Variants in NAALADL2 observed in about 807,000 individuals in gnomAD.
NAALADL2 encodes inactive N-acetylated-alpha-linked acidic dipeptidase-like protein 2.
In NAALADL2, 76 loss-of-function variants were observed where a neutral mutation model predicts 87.2. The ratio of observed to expected loss-of-function variants is 0.87; its 90% confidence interval spans 0.72 to 1.05. The LOEUF (loss-of-function observed/expected upper bound fraction) is 1.05, where lower values mean the gene tolerates loss of function less well. Among genes scored for constraint, NAALADL2 ranks in the 50% least tolerant of loss-of-function variants. The pLI, the probability that NAALADL2 is intolerant of heterozygous loss-of-function variation, is 0.00. For missense variants in NAALADL2, 1,089 were observed against 945.8 expected (o/e 1.15, Z -1.99); for synonymous variants, 354 against 331.0 (o/e 1.07, Z -0.75).
At chr3:175,088,319 A>G (rs1719440768) in intron 1 of NAALADL2, among the ~76,000 whole-genome samples, 1 of 152,226 alleles carries the variant, frequency 6.6e-6, no homozygotes, top group Non-Finnish European at 1.5e-5. Context: ...TTTGTTACTA[A>G]CAGAATTTTA....
At chr3:174,809,954 C>T (rs2140282) in intron 3 of NAALADL2, among the ~76,000 whole-genome samples, 2,010 of 152,106 alleles carry the variant, frequency 0.013, 47 homozygotes, top group African/African-American at 0.047. Context: ...TGTGGCACCT[C>T]CCCCCTCTCT....
chr3:175,066,646 T>C (rs1714591011), intron 1 of NAALADL2, among the ~76,000 whole-genome samples: 1 of 152,182 alleles, frequency 6.6e-6, no homozygotes, highest in African/African-American at 2.4e-5. Context: ...TCCTGGAAGA[T>C]ATTGTTAATA....
At chr3:174,678,930 C>T (rs1727283480) in intron 2 of NAALADL2, among the ~76,000 whole-genome samples, 1 of 152,120 alleles carries the variant, frequency 6.6e-6, no homozygotes, top group Non-Finnish European at 1.5e-5. Flanking sequence ...TAAAGTTTAT[C>T]TACTTTTCTC....
rs114404064 is a variant in NAALADL2 at position 175,518,622 on chromosome 3, G to T, written c.1653+46864G>T. On this transcript the variant is annotated intron_variant, in intron 9 of 13. Transcript: ENST00000454872. ...ATGGGGACTCTCCAAGTCCCGAGGTGGTACAGGGCATCACATGGTGTGGGG... is the reference window on the plus strand; with the variant it reads ...ATGGGGACTCTCCAAGTCCCGAGGTTGTACAGGGCATCACATGGTGTGGGG... Among the ~76,000 whole-genome samples, 769 of 152,302 alleles carry T rather than the reference G, an allele frequency of 5.0e-3. 9 individuals carry two copies. Among genetic ancestry groups the T allele is most frequent in the African/African-American group, 0.018 (735 of 41,562 alleles).
intron 10 of NAALADL2, among the ~76,000 whole-genome samples, chr3:175,583,937 C>T (rs62284489): frequency 0.11 from 17,043 of 152,038 alleles, 1,234 homozygotes; most frequent in Middle Eastern, 0.17. Context: ...ATAATGTTTG[C>T]GTCAGGCATT....
At chr3:174,688,718 T>TA (rs11421317) in intron 2 of NAALADL2, among the ~76,000 whole-genome samples, 114,388 of 151,934 alleles carry the variant, frequency 0.75, 43,243 homozygotes, top group East Asian at 0.89. Context: ...TGGAGTTAAA[T>TA]AAAATAGCAA....
intron 2 of NAALADL2, among the ~76,000 whole-genome samples, chr3:175,228,056 A>G (rs1744412350): frequency 6.6e-6 from 1 of 151,968 alleles, no homozygotes; most frequent in Non-Finnish European, 1.5e-5. Context: ...ATGTGTATCC[A>G]AAAACTTTGT....
At chr3:175,576,247 G>C in intron 10 of NAALADL2, 60 bp downstream of exon 10, 1 of 1,453,800 alleles carries the variant, frequency 6.9e-7, no homozygotes, top group Non-Finnish European at 9.3e-7. Flanking sequence ...TGCAGAATTT[G>C]ATTTTATCCT....
At chr3:175,101,546 TAC>T (rs1322461889) in intron 2 of NAALADL2, among the ~76,000 whole-genome samples, 1 of 152,252 alleles carries the variant, frequency 6.6e-6, no homozygotes, top group Non-Finnish European at 1.5e-5. Context: ...AAATGACATA[TAC>T]ACACACATAT....
chr3:174,774,550 G>A (rs1714974538), intron 3 of NAALADL2, among the ~76,000 whole-genome samples: 1 of 152,178 alleles, frequency 6.6e-6, no homozygotes. Flanking sequence ...TACAGAGGAA[G>A]TGTCACGATA....
chr3:174,837,604 G>A (rs1560274154), intron 3 of NAALADL2, among the ~76,000 whole-genome samples: 1 of 152,082 alleles, frequency 6.6e-6, no homozygotes, highest in Non-Finnish European at 1.5e-5. Context: ...GACCAGCCTG[G>A]CCAACATGGT....
At chr3:174,984,741 A>G (rs1234910181) in intron 1 of NAALADL2, among the ~76,000 whole-genome samples, 1 of 152,230 alleles carries the variant, frequency 6.6e-6, no homozygotes, top group Non-Finnish European at 1.5e-5. Flanking sequence ...AACTTGAAGA[A>G]GGTAAATGAA....
intron 2 of NAALADL2, among the ~76,000 whole-genome samples, chr3:174,597,465 T>A (rs1284861412): frequency 6.6e-6 from 1 of 152,242 alleles, no homozygotes; most frequent in East Asian, 1.9e-4. Context: ...TCTATGTTCC[T>A]AGACGTCAGC....
intron 13 of NAALADL2, among the ~76,000 whole-genome samples, chr3:175,796,373 C>CA: frequency 6.6e-6 from 1 of 152,124 alleles, no homozygotes; most frequent in East Asian, 1.9e-4. Flanking sequence ...CCATTTCCCT[C>CA]AACAATCTAC....
At chr3:175,713,613 A>G (rs1245594058) in intron 11 of NAALADL2, among the ~76,000 whole-genome samples, 2 of 152,184 alleles carry the variant, frequency 1.3e-5, no homozygotes, top group Non-Finnish European at 1.5e-5. Flanking sequence ...TAATTGATAA[A>G]GGCAGTTCCT....
At chr3:175,384,591 C>T (rs1768143467) in intron 5 of NAALADL2, among the ~76,000 whole-genome samples, 1 of 151,836 alleles carries the variant, frequency 6.6e-6, no homozygotes, top group South Asian at 2.1e-4. Flanking sequence ...CTTTTAAATG[C>T]ATGCACCTCC....
chr3:175,236,220 C>G (rs752175077), intron 3 of NAALADL2, among the ~76,000 whole-genome samples: 1 of 151,884 alleles, frequency 6.6e-6, no homozygotes, highest in Non-Finnish European at 1.5e-5. Flanking sequence ...ATTTGTTTGC[C>G]TTGGTTTAAA....
At chr3:175,787,482 C>G (rs373618099) in intron 13 of NAALADL2, among the ~76,000 whole-genome samples, 61 of 152,192 alleles carry the variant, frequency 4.0e-4, no homozygotes, top group Admixed American at 2.3e-3. Context: ...TTTCCAGGTG[C>G]GTCCGTCACC....
intron 2 of NAALADL2, among the ~76,000 whole-genome samples, chr3:175,205,281 GAAACTC>G (rs1188778922): frequency 3.3e-5 from 5 of 151,516 alleles, no homozygotes; most frequent in African/African-American, 1.2e-4. Flanking sequence ...AACAGAATAG[GAAACTC>G]AAACTCAAAT....
Sources: gnomAD v4.1 joint callset for allele counts (sites outside exome capture counted in the v4.1 genomes callset) on GRCh38, gnomAD v4.1.1 for gene constraint, MANE v1.5 for transcripts, NCBI Gene and HGNC (gene_info 2026-07-23, HGNC 2026-07-21) for gene names.